The following MOB1B variants were observed in gnomAD, a reference collection of about 807,000 sequenced individuals.
The protein encoded by MOB1B is MOB1 Mps One Binder homolog B.
A neutral mutation model predicts 24.4 loss-of-function variants in MOB1B; 19 were observed. The observed-to-expected ratio is 0.78, with a 90% confidence interval of 0.54 to 1.14. The LOEUF (loss-of-function observed/expected upper bound fraction) is 1.14, where lower values mean the gene tolerates loss of function less well. Ranked by LOEUF, MOB1B falls within the 50% of genes most tolerant of loss-of-function variation. MOB1B has a pLI of 0.00. For synonymous variants in MOB1B, 76 were observed against 82.1 expected (o/e 0.93, Z 0.40); for missense variants, 243 against 259.6 (o/e 0.94, Z 0.44).
chr4:70,960,887 C>T (rs373568764), intron 2 of MOB1B, among the ~76,000 whole-genome samples: 35 of 152,206 alleles, frequency 2.3e-4, no homozygotes, highest in African/African-American at 7.7e-4. Flanking sequence ...TTCTATATTA[C>T]AGTAGAGTCT....
chr4:70,970,106 A>T, intron 3 of MOB1B, 82 bp downstream of exon 3: 1 of 774,654 alleles, frequency 1.3e-6, no homozygotes, highest in Non-Finnish European at 2.1e-6. Flanking sequence ...TGACCATATG[A>T]TTTTTCTACT....
Position 70,939,205 on chromosome 4 carries a change from A to C in MOB1B, c.15-19669A>C, listed in dbSNP as rs10010681. 7.4e-3 allele frequency among the ~76,000 whole-genome samples: 1,127 copies of C among 152,352 alleles called. 18 individuals carry two copies. Among genetic ancestry groups the C allele is most frequent in the African/African-American group, 0.024 (990 of 41,580 alleles). On this transcript the variant is annotated intron_variant, in intron 1 of 5. Transcript: ENST00000309395. ...AACAATAAAATGGTTTAGTACTTAC[A>C]AGAAAACTATTGAAGATGTTGGGCT...
chr4:70,920,494 G>T (rs1736390956), intron 1 of MOB1B, among the ~76,000 whole-genome samples: 1 of 152,208 alleles, frequency 6.6e-6, no homozygotes, highest in African/African-American at 2.4e-5. Context: ...TAAAGTGCTA[G>T]GATTACAGGC....
At chr4:70,929,736 C>T (rs1294479772) in intron 1 of MOB1B, among the ~76,000 whole-genome samples, 2 of 151,830 alleles carry the variant, frequency 1.3e-5, no homozygotes, top group Admixed American at 6.6e-5. Context: ...AGCTCCGCCT[C>T]CTGGGTTTAC....
At chr4:70,904,203 C>G (rs950380694) in intron 1 of MOB1B, among the ~76,000 whole-genome samples, 2 of 151,220 alleles carry the variant, frequency 1.3e-5, no homozygotes, top group African/African-American at 4.8e-5. Flanking sequence ...AGGCTGGTCT[C>G]GAACTCCTGA....
At chr4:70,917,267 A>G (rs555716958) in intron 1 of MOB1B, among the ~76,000 whole-genome samples, 2 of 152,278 alleles carry the variant, frequency 1.3e-5, no homozygotes, top group East Asian at 3.9e-4. Flanking sequence ...TTATCTATGG[A>G]AGTATAAGGC....
intron 1 of MOB1B, among the ~76,000 whole-genome samples, chr4:70,950,064 A>C (rs185492801): frequency 8.8e-4 from 134 of 152,276 alleles, no homozygotes; most frequent in Non-Finnish European, 1.4e-3. Flanking sequence ...AATGTGGTGA[A>C]AAAGGGAGAA....
chr4:70,937,822 G>T (rs1004926364), intron 1 of MOB1B, among the ~76,000 whole-genome samples: 1 of 152,052 alleles, frequency 6.6e-6, no homozygotes, highest in African/African-American at 2.4e-5. Context: ...CACCGTGCCC[G>T]GCCCATCTCT....
At chr4:70,972,083 TC>T (rs1738781389) in intron 3 of MOB1B, among the ~76,000 whole-genome samples, 4 of 152,112 alleles carry the variant, frequency 2.6e-5, no homozygotes, top group Non-Finnish European at 5.9e-5. Flanking sequence ...TCATAGTTCT[TC>T]ATTTTTACCA....
At position 70,958,703 on chromosome 4, in the gene MOB1B, T is replaced by C. The variant is rs777236266; in HGVS notation, c.15-171T>C. On this transcript the variant is annotated intron_variant, in intron 1 of 5. Coordinates refer to ENST00000309395, the MANE Select transcript of MOB1B (RefSeq NM_173468.4). ...AAAATTTTTCTTTTTGTGAGTTAAC[T>C]AGACACAGCAGAGAAAGTTTGTAGG... The C allele has an allele frequency of 2.5e-5, 20 of 787,026 alleles. No homozygotes were observed. In the South Asian group the frequency reaches 2.7e-4, roughly 11 times the overall value. The allele number at this position is 787,026 out of a possible 1,614,324, so 48.8% of individuals were successfully genotyped here. A position where few individuals can be genotyped will look rare whatever the true frequency, so the allele number is the denominator to read the frequency against.
intron 2 of MOB1B, among the ~76,000 whole-genome samples, chr4:70,961,539 G>C (rs1368710303): frequency 6.6e-6 from 1 of 152,196 alleles, no homozygotes; most frequent in Non-Finnish European, 1.5e-5. Context: ...GAGGACTACT[G>C]TACTACTGAA....
intron 1 of MOB1B, among the ~76,000 whole-genome samples, chr4:70,916,613 G>T (rs963383679): frequency 2.0e-5 from 3 of 152,034 alleles, no homozygotes; most frequent in Admixed American, 6.6e-5. Context: ...TCTTGCCCAG[G>T]CTAGAGTGCA....
intron 1 of MOB1B, among the ~76,000 whole-genome samples, chr4:70,919,269 T>G (rs1453687051): frequency 6.6e-6 from 1 of 151,404 alleles, no homozygotes; most frequent in Non-Finnish European, 1.5e-5. Context: ...GTAACAAACC[T>G]GCATATTGTG....
chr4:70,903,034 T>C (rs1278911747), intron 1 of MOB1B, among the ~76,000 whole-genome samples: 4 of 152,116 alleles, frequency 2.6e-5, no homozygotes, highest in African/African-American at 7.2e-5. Context: ...TTTAACTTCC[T>C]CTCTCGTCTT....
chr4:70,965,525 C>T (rs993398568), intron 2 of MOB1B, among the ~76,000 whole-genome samples: 6 of 151,262 alleles, frequency 4.0e-5, no homozygotes, highest in Admixed American at 2.6e-4. Context: ...AGGCCGGGCG[C>T]GGTGGCTCAC....
chr4:70,965,835 A>T (rs1006024502), intron 2 of MOB1B, among the ~76,000 whole-genome samples: 1 of 150,814 alleles, frequency 6.6e-6, no homozygotes, highest in African/African-American at 2.4e-5. Flanking sequence ...GTTGTAAGAG[A>T]ATGTTGTGAA....
intron 1 of MOB1B, chr4:70,942,892 GA>G (rs1286886018): frequency 2.4e-4 from 190 of 788,878 alleles, no homozygotes; most frequent in Non-Finnish European, 2.8e-4. Flanking sequence ...AGTAAGCAAA[GA>G]AAAAATTATT....
chr4:70,933,885 A>AC (rs1231905884), intron 1 of MOB1B, among the ~76,000 whole-genome samples: 1 of 150,870 alleles, frequency 6.6e-6, no homozygotes, highest in Non-Finnish European at 1.5e-5. Context: ...AAAAGGTTTC[A>AC]CCCCTCTCTT....
chr4:70,948,835 T>C (rs1737686109), intron 1 of MOB1B, among the ~76,000 whole-genome samples: 1 of 152,178 alleles, frequency 6.6e-6, no homozygotes, highest in African/African-American at 2.4e-5. Context: ...AAGTTCTCTT[T>C]TGACTGCCAA....
Sources: allele counts gnomAD v4.1 joint callset (sites outside exome capture counted in the v4.1 genomes callset), GRCh38; gene constraint gnomAD v4.1.1; transcripts MANE v1.5; gene names NCBI Gene and HGNC (gene_info 2026-07-23, HGNC 2026-07-21).